The following AGL variants were observed in gnomAD, a reference collection of about 807,000 sequenced individuals.
The protein encoded by AGL is glycogen debranching enzyme.
In AGL, 128 loss-of-function variants were observed where a neutral mutation model predicts 199.3. That is an observed-to-expected ratio of 0.64 (90% CI 0.56 to 0.74). The LOEUF is 0.74. AGL is among the 30% of genes least tolerant of loss of function. AGL has a pLI of 0.00. For synonymous variants in AGL, 584 were observed against 594.7 expected, an observed-to-expected ratio of 0.98 and a Z score of 0.26; for missense variants, 1,809 against 1,820.8, an observed-to-expected ratio of 0.99 and a Z score of 0.12.
chr1:99,917,967 A>G (rs1411123865), intron 33 of AGL, among the ~76,000 whole-genome samples: 1 of 152,112 alleles, frequency 6.6e-6, no homozygotes, highest in African/African-American at 2.4e-5. Flanking sequence ...AATTACTCTT[A>G]TAGTTGCCAT....
In AGL at chr1:99,900,630, T is replaced by G; in HGVS notation, c.3363-6T>G. 1 of 1,611,254 alleles carries G rather than the reference T, an allele frequency of 6.2e-7. No homozygotes were observed. Among genetic ancestry groups the G allele is most frequent in the Non-Finnish European group, 8.5e-7 (1 of 1,177,380 alleles). On this transcript the variant is annotated splice_polypyrimidine_tract_variant and splice_region_variant and intron_variant, in intron 25 of 33. Coordinates refer to ENST00000361915, the MANE Select transcript of AGL (RefSeq NM_000642.3). Reference sequence around the variant, plus strand: ...ATTTCTGATCCACTTAATTCTGTTGTTTTAGGAATATTATTTTAGCATTTG... The same window carrying G: ...ATTTCTGATCCACTTAATTCTGTTGGTTTAGGAATATTATTTTAGCATTTG...
intron 2 of AGL, among the ~76,000 whole-genome samples, chr1:99,855,555 C>G (rs1392391985): frequency 6.6e-6 from 1 of 152,096 alleles, no homozygotes; most frequent in Non-Finnish European, 1.5e-5. Context: ...AATCCCGGCA[C>G]TTTGGGAGGC....
intron 5 of AGL, 99 bp from the exon 6 acceptor site, chr1:99,870,301 A>G: frequency 7.9e-7 from 1 of 1,262,160 alleles, no homozygotes. Context: ...GAAAAAAATG[A>G]GTGGTAGATC....
intron 11 of AGL, among the ~76,000 whole-genome samples, chr1:99,877,168 T>G (rs1369038927): frequency 1.3e-5 from 2 of 151,950 alleles, no homozygotes; most frequent in Non-Finnish European, 2.9e-5. Flanking sequence ...TCAGAAATCT[T>G]AATGCTTTTT....
At chr1:99,864,827 A>G (rs1343792157) in intron 5 of AGL, among the ~76,000 whole-genome samples, 4 of 152,228 alleles carry the variant, frequency 2.6e-5, no homozygotes, top group African/African-American at 9.6e-5. Flanking sequence ...TCTGTTGCTT[A>G]TAAATACAGG....
rs751772979 is a variant in AGL at position 99,864,480 on chromosome 1, T to C, written c.555T>C (p.Phe185=). Residue 185 remains phenylalanine (F), a synonymous_variant, in exon 5 of 34, where the codon TTT becomes TTC. Coordinates refer to ENST00000361915, the MANE Select transcript of AGL (RefSeq NM_000642.3). ...LANQLELNPD[F]SRPNRKYTWN... is the part of the protein sequence containing the mutation. ...ATCAGTTAGAATTAAATCCTGACTT[T>C]TCAAGACCTAATAGAAAGTATACCT... The C allele has an allele frequency of 6.2e-7, 1 of 1,613,840 alleles. No homozygotes were observed. The highest frequency in any genetic ancestry group is 1.1e-5 in the South Asian group (1 of 91,076).
intron 20 of AGL, among the ~76,000 whole-genome samples, chr1:99,887,017 T>A (rs1005936144): frequency 3.3e-5 from 5 of 152,164 alleles, no homozygotes; most frequent in African/African-American, 1.2e-4. Flanking sequence ...AATATTGTCC[T>A]AGAATGGAGT....
chr1:99,885,852 A>G (rs752609676), intron 20 of AGL, among the ~76,000 whole-genome samples: 1 of 152,170 alleles, frequency 6.6e-6, no homozygotes, highest in Non-Finnish European at 1.5e-5. Context: ...AATAGTAGAA[A>G]TAAAGTACAC....
intron 26 of AGL, among the ~76,000 whole-genome samples, chr1:99,901,689 A>G (rs986676334): frequency 5.3e-5 from 8 of 151,766 alleles, no homozygotes; most frequent in Admixed American, 4.6e-4. Context: ...TTCCCTAATC[A>G]AGAATGGACA....
intron 33 of AGL, among the ~76,000 whole-genome samples, chr1:99,917,221 A>T (rs1438401834): frequency 1.3e-5 from 2 of 152,212 alleles, no homozygotes; most frequent in African/African-American, 4.8e-5. Context: ...ACGTATCTTT[A>T]TAAGAGTATA....
Position 99,922,909 on chromosome 1 carries a change from G to T in AGL, c.*1258G>T, listed in dbSNP as rs1237771114. 1 of 151,762 alleles carries T rather than the reference G, an allele frequency of 6.6e-6. No homozygotes were observed. Among genetic ancestry groups the T allele is most frequent in the African/African-American group, 2.4e-5 (1 of 41,342 alleles). The allele number at this position is 151,762 out of a possible 1,614,324, so 9.4% of individuals were successfully genotyped here. A position where few individuals can be genotyped will look rare whatever the true frequency, so the allele number is the denominator to read the frequency against. On this transcript the variant is annotated 3_prime_UTR_variant, in exon 34 of 34. Transcript: ENST00000361915. The stretch of plus-strand genomic sequence containing the variant: ...TAGCATTTTTTTAGTTAGTTTACAG[G>T]TTACATACCCAAAACCTTAACTATG...
intron 33 of AGL, among the ~76,000 whole-genome samples, chr1:99,917,874 A>AC (rs1235562828): frequency 6.6e-6 from 1 of 151,628 alleles, no homozygotes; most frequent in Non-Finnish European, 1.5e-5. Flanking sequence ...ACCTGTTATT[A>AC]CCCCCCACAC....
chr1:99,859,443 AC>A (rs1649852652), intron 2 of AGL, among the ~76,000 whole-genome samples: 1 of 151,196 alleles, frequency 6.6e-6, no homozygotes, highest in Non-Finnish European at 1.5e-5. Flanking sequence ...TATGTACTCT[AC>A]CTCCCTGCCT....
chr1:99,921,447 A>G, intron 33 of AGL, 87 bp from the exon 34 acceptor site: 2 of 881,202 alleles, frequency 2.3e-6, no homozygotes, highest in Non-Finnish European at 3.9e-6. Flanking sequence ...TATTTTCTAC[A>G]CTAGAAGGCA....
chr1:99,905,811 C>T (rs12092273), intron 27 of AGL, among the ~76,000 whole-genome samples: 3,780 of 152,154 alleles, frequency 0.025, 156 homozygotes, highest in African/African-American at 0.086. Flanking sequence ...GAATTCCTGA[C>T]CTCAAGCAAT....
In AGL at chr1:99,900,628, T is replaced by C. The variant is rs1357043523; in HGVS notation, c.3363-8T>C. The C allele has an allele frequency of 6.2e-7, 1 of 1,609,808 alleles. No individual in the cohort carries two copies. The highest frequency in any genetic ancestry group is 1.7e-5 in the Admixed American group (1 of 60,022). Reference sequence around the variant, plus strand: ...TCATTTCTGATCCACTTAATTCTGTTGTTTTAGGAATATTATTTTAGCATT... The same window carrying C: ...TCATTTCTGATCCACTTAATTCTGTCGTTTTAGGAATATTATTTTAGCATT... On this transcript the variant is annotated splice_polypyrimidine_tract_variant and splice_region_variant and intron_variant, in intron 25 of 33. Coordinates refer to ENST00000361915, the MANE Select transcript of AGL (RefSeq NM_000642.3).
At chr1:99,893,969 G>A (rs1439812917) in intron 24 of AGL, among the ~76,000 whole-genome samples, 1 of 152,008 alleles carries the variant, frequency 6.6e-6, no homozygotes, top group East Asian at 1.9e-4. Context: ...GATCGTTTGG[G>A]GCAGGGAGTT....
At chr1:99,900,486 A>C in intron 25 of AGL, 150 bp from the exon 26 acceptor site, 2 of 725,320 alleles carry the variant, frequency 2.8e-6, no homozygotes, top group Non-Finnish European at 4.6e-6. Context: ...TTACTCTATC[A>C]TACTATGACT....
At chr1:99,862,794 A>T (rs1650165599) in intron 4 of AGL, among the ~76,000 whole-genome samples, 1 of 152,208 alleles carries the variant, frequency 6.6e-6, no homozygotes. Flanking sequence ...CTGTGATCAA[A>T]CACCTCTCAC....
Sources: gnomAD v4.1 joint callset for allele counts (sites outside exome capture counted in the v4.1 genomes callset) on GRCh38, gnomAD v4.1.1 for gene constraint, MANE v1.5 for transcripts, NCBI Gene and HGNC (gene_info 2026-07-23, HGNC 2026-07-21) for gene names.